The following HS6ST3 variants were observed in gnomAD, a reference collection of about 807,000 sequenced individuals.
HS6ST3 encodes heparan-sulfate 6-O-sulfotransferase 3.
In HS6ST3, 12 loss-of-function variants were observed where a neutral mutation model predicts 36.7. That is an observed-to-expected ratio of 0.33 (90% CI 0.21 to 0.53). The LOEUF is 0.53. Among genes scored for constraint, HS6ST3 ranks in the 20% least tolerant of loss-of-function variants. The pLI, the probability that HS6ST3 is intolerant of heterozygous loss-of-function variation, is 0.95. For missense variants in HS6ST3, 584 were observed against 640.9 expected, an observed-to-expected ratio of 0.91 and a Z score of 0.96; for synonymous variants, 240 against 257.5, an observed-to-expected ratio of 0.93 and a Z score of 0.65.
intron 1 of HS6ST3, among the ~76,000 whole-genome samples, chr13:96,135,397 T>C (rs369475603): frequency 1.3e-5 from 2 of 152,306 alleles, no homozygotes; most frequent in East Asian, 3.9e-4. Flanking sequence ...CTTAGACATA[T>C]ACTTTAAAAA....
At chr13:96,313,236 C>T (rs1419498114) in intron 1 of HS6ST3, among the ~76,000 whole-genome samples, 1 of 151,706 alleles carries the variant, frequency 6.6e-6, no homozygotes, top group African/African-American at 2.4e-5. Context: ...TTAGGATTTC[C>T]TTTATTTTCT....
chr13:96,615,845 G>A (rs1362481175), intron 1 of HS6ST3, among the ~76,000 whole-genome samples: 1 of 152,156 alleles, frequency 6.6e-6, no homozygotes, highest in Non-Finnish European at 1.5e-5. Context: ...GGTACCTTTT[G>A]TTATATGTGA....
chr13:96,443,728 A>T (rs994861694), intron 1 of HS6ST3, among the ~76,000 whole-genome samples: 1 of 152,206 alleles, frequency 6.6e-6, no homozygotes, highest in Non-Finnish European at 1.5e-5. Flanking sequence ...AGAGTGTCTG[A>T]ACCTGCATAG....
intron 1 of HS6ST3, among the ~76,000 whole-genome samples, chr13:96,745,565 G>A (rs764186852): frequency 1.1e-4 from 17 of 152,056 alleles, no homozygotes; most frequent in Admixed American, 2.0e-4. Context: ...GAGTAACCTC[G>A]AGAGAGTCAC....
At chr13:96,578,939 C>A (rs1211979551) in intron 1 of HS6ST3, among the ~76,000 whole-genome samples, 1 of 152,142 alleles carries the variant, frequency 6.6e-6, no homozygotes, top group African/African-American at 2.4e-5. Context: ...TAACCCAGAG[C>A]TAGGACATTC....
chr13:96,303,714 A>G (rs887644406), intron 1 of HS6ST3, among the ~76,000 whole-genome samples: 3 of 152,232 alleles, frequency 2.0e-5, no homozygotes, highest in Non-Finnish European at 2.9e-5. Flanking sequence ...GGTAAAATAT[A>G]TGAATAAATC....
chr13:96,313,140 A>G (rs9516658), intron 1 of HS6ST3, among the ~76,000 whole-genome samples: 70 of 152,012 alleles, frequency 4.6e-4, no homozygotes, highest in Non-Finnish European at 8.4e-4. Context: ...CATCTAGGTT[A>G]CTGGAAGCTG....
chr13:96,446,152 G>A (rs1288097963), intron 1 of HS6ST3, among the ~76,000 whole-genome samples: 23 of 148,112 alleles, frequency 1.6e-4, no homozygotes, highest in Admixed American at 4.7e-4. Context: ...CAGCCTGGGC[G>A]ACAGAGCAAG....
At chr13:96,813,519 A>C (rs1239876924) in intron 1 of HS6ST3, among the ~76,000 whole-genome samples, 2 of 152,144 alleles carry the variant, frequency 1.3e-5, no homozygotes, top group African/African-American at 2.4e-5. Context: ...TAAAAGCTTT[A>C]TGTCTTTCTC....
chr13:96,640,048 G>C (rs1328938811), intron 1 of HS6ST3, among the ~76,000 whole-genome samples: 1 of 151,876 alleles, frequency 6.6e-6, no homozygotes, highest in East Asian at 1.9e-4. Context: ...CCTTTTGGTA[G>C]AATGATTTAT....
intron 1 of HS6ST3, among the ~76,000 whole-genome samples, chr13:96,555,533 G>A (rs981804868): frequency 3.9e-5 from 6 of 152,100 alleles, no homozygotes; most frequent in Non-Finnish European, 1.5e-5. Context: ...AGCTCACTAA[G>A]GCTTAATGAT....
chr13:96,314,232 G>T (rs1219978104), intron 1 of HS6ST3, among the ~76,000 whole-genome samples: 2 of 151,988 alleles, frequency 1.3e-5, no homozygotes, highest in African/African-American at 4.8e-5. Flanking sequence ...TCCTTCCCAA[G>T]CTCTTTGGCT....
chr13:96,258,592 A>C (rs2054649086), intron 1 of HS6ST3, among the ~76,000 whole-genome samples: 1 of 152,142 alleles, frequency 6.6e-6, no homozygotes, highest in African/African-American at 2.4e-5. Flanking sequence ...TGTTTGTCAG[A>C]GCAATGGGCA....
At chr13:96,311,800 G>C (rs1045708882) in intron 1 of HS6ST3, among the ~76,000 whole-genome samples, 8 of 152,142 alleles carry the variant, frequency 5.3e-5, no homozygotes, top group African/African-American at 1.7e-4. Context: ...GTAGTTTCTG[G>C]CAACTGTCTA....
chr13:96,149,514 C>T (rs2054074473), intron 1 of HS6ST3, among the ~76,000 whole-genome samples: 1 of 152,240 alleles, frequency 6.6e-6, no homozygotes, highest in Admixed American at 6.5e-5. Context: ...GTGAGAAAAG[C>T]CAAGTTGTTT....
At chr13:96,777,874 T>G in intron 1 of HS6ST3, among the ~76,000 whole-genome samples, 1 of 152,168 alleles carries the variant, frequency 6.6e-6, no homozygotes, top group Non-Finnish European at 1.5e-5. Context: ...AAGACAATCC[T>G]AAGCAAAAAG....
intron 1 of HS6ST3, among the ~76,000 whole-genome samples, chr13:96,812,468 A>C (rs1298035362): frequency 6.6e-6 from 1 of 152,152 alleles, no homozygotes; most frequent in Non-Finnish European, 1.5e-5. Flanking sequence ...ATATAAAAAC[A>C]CACCAATGTA....
At chr13:96,533,168 A>G (rs2056142249) in intron 1 of HS6ST3, among the ~76,000 whole-genome samples, 1 of 152,162 alleles carries the variant, frequency 6.6e-6, no homozygotes, top group African/African-American at 2.4e-5. Flanking sequence ...TGCATTTGAA[A>G]TGGGAGCCAA....
chr13:96,097,130 G>A (rs996860920), intron 1 of HS6ST3, among the ~76,000 whole-genome samples: 3 of 152,076 alleles, frequency 2.0e-5, no homozygotes, highest in East Asian at 3.9e-4. Flanking sequence ...AATTGGAAGT[G>A]GTAAATGGTA....
Sources: gnomAD v4.1 joint callset for allele counts (sites outside exome capture counted in the v4.1 genomes callset) on GRCh38, gnomAD v4.1.1 for gene constraint, MANE v1.5 for transcripts, NCBI Gene and HGNC (gene_info 2026-07-23, HGNC 2026-07-21) for gene names.